ABCE1: variants seen among roughly 807,000 people sequenced by gnomAD.
ABCE1 encodes ATP-binding cassette sub-family E member 1.
ABCE1 carries 22 observed loss-of-function variants against 83.4 expected under a neutral mutation model. The observed-to-expected ratio is 0.26, with a 90% CI of 0.19 to 0.38. ABCE1 has a LOEUF of 0.38. Ranked by LOEUF, ABCE1 falls within the 10% of genes least tolerant of loss-of-function variation. The pLI is 1.00. For missense variants in ABCE1, 330 were observed against 721.9 expected (o/e 0.46, Z 6.22); for synonymous variants, 204 against 233.7 (o/e 0.87, Z 1.16).
At position 145,123,145 on chromosome 4, in the gene ABCE1, AT is replaced by A. The variant is rs760122824; in HGVS notation, c.1374+22del. On this transcript the variant is annotated intron_variant, in intron 14 of 17. Transcript: ENST00000296577. The stretch of plus-strand genomic sequence containing the variant: ...ATTGATCAAGAGGTACTTTAACATA[AT>A]TTTTTTTATTTTTTTATTATTTTGA... The A allele has an allele frequency of 1.1e-5, 17 of 1,574,816 alleles. No homozygotes were observed. Among genetic ancestry groups the A allele is most frequent in the Middle Eastern group, 2.0e-4 (1 of 4,960 alleles).
intron 4 of ABCE1, among the ~76,000 whole-genome samples, chr4:145,108,896 T>C (rs1749385195): frequency 6.6e-6 from 1 of 152,218 alleles, no homozygotes; most frequent in African/African-American, 2.4e-5. Flanking sequence ...GTAATGTTGT[T>C]TAAGGATGCA....
intron 11 of ABCE1, among the ~76,000 whole-genome samples, chr4:145,120,559 A>G (rs34394048): frequency 1.8e-3 from 280 of 152,176 alleles, no homozygotes; most frequent in African/African-American, 6.2e-3. Context: ...ATTCAGAGCA[A>G]TCTACCTTTG....
At chr4:145,098,912 T>C (rs1178224176) in intron 1 of ABCE1, among the ~76,000 whole-genome samples, 1 of 152,262 alleles carries the variant, frequency 6.6e-6, no homozygotes, top group Non-Finnish European at 1.5e-5. Flanking sequence ...TGAAGTCGAA[T>C]ACTCGCTGTC....
chr4:145,118,086 C>T (rs1311586465), intron 10 of ABCE1, among the ~76,000 whole-genome samples: 4 of 151,444 alleles, frequency 2.6e-5, no homozygotes, highest in African/African-American at 7.3e-5. Context: ...TCACTGCTTC[C>T]TTACTTGTGT....
At chr4:145,103,222 G>A (rs2126698520) in intron 1 of ABCE1, among the ~76,000 whole-genome samples, 1 of 152,186 alleles carries the variant, frequency 6.6e-6, no homozygotes, top group Non-Finnish European at 1.5e-5. Context: ...GACTTGAGAT[G>A]TCTACAAAGG....
intron 16 of ABCE1, 149 bp downstream of exon 16, chr4:145,123,749 A>C (rs1749803411): frequency 1.4e-6 from 1 of 712,264 alleles, no homozygotes. Context: ...TGGGGACTGG[A>C]TGGGACCATG....
chr4:145,120,269 T>C (rs907106360), intron 11 of ABCE1, 116 bp downstream of exon 11: 2 of 856,650 alleles, frequency 2.3e-6, no homozygotes, highest in African/African-American at 3.5e-5. Flanking sequence ...CAGAGTTTTA[T>C]TTAAACCCAC....
At position 145,110,454 on chromosome 4, in the gene ABCE1, T is replaced by C. The variant is rs1324277626; in HGVS notation, c.613+10T>C. On this transcript the variant is annotated intron_variant, in intron 7 of 17. Coordinates refer to ENST00000296577, the MANE Select transcript of ABCE1 (RefSeq NM_002940.3). ...GTATGTCAGCAGCTTGGTAAGTGTT[T>C]ATTTTTTGTTTGTGTGAATATATAT... is the stretch of plus-strand genomic sequence containing the variant. 1 of 1,610,178 alleles carries C rather than the reference T, an allele frequency of 6.2e-7. No individual in the cohort carries two copies. Among genetic ancestry groups the C allele is most frequent in the African/African-American group, 1.3e-5 (1 of 74,738 alleles).
chr4:145,117,214 T>C (rs771918518), intron 9 of ABCE1, 79 bp from the exon 10 acceptor site: 2 of 1,241,930 alleles, frequency 1.6e-6, no homozygotes, highest in Non-Finnish European at 2.2e-6. Context: ...TTTTATTAGA[T>C]GTATCTCTTT....
chr4:145,116,803 C>T (rs754541153), intron 9 of ABCE1, among the ~76,000 whole-genome samples: 5 of 151,790 alleles, frequency 3.3e-5, no homozygotes, highest in Non-Finnish European at 5.9e-5. Flanking sequence ...CATATTTTGC[C>T]ATGTAATCTT....
rs148998432 is a variant in ABCE1 at position 145,120,112 on chromosome 4, A to G, written c.1103A>G (p.Glu368Gly). Residue 368 changes from glutamate to glycine, a missense_variant, in exon 11 of 18, where the codon GAG becomes GGG. Glu to Gly is a moderately conservative substitution (Grantham distance 98, BLOSUM62 -2). Transcript: ENST00000296577. ...GEFELAIVAG[E>G]FTDSEIMVML... is the part of the protein sequence containing the mutation. ...TTTGAGCTAGCAATTGTAGCTGGAG[A>G]GTTTACAGATTCTGAAATTATGGTG... The G allele has an allele frequency of 1.9e-6, 3 of 1,609,740 alleles. No homozygotes were observed. The highest frequency in any genetic ancestry group is 2.5e-6 in the Non-Finnish European group (3 of 1,178,776).
intron 17 of ABCE1, among the ~76,000 whole-genome samples, chr4:145,125,790 C>T (rs1173889268): frequency 1.3e-5 from 2 of 152,134 alleles, no homozygotes; most frequent in Non-Finnish European, 2.9e-5. Context: ...TTAGGCCAAG[C>T]GCAGTGGTTT....
chr4:145,123,115 ACAT>A lies in ABCE1; in HGVS notation c.1362_1364del (p.Ile455del), dbSNP rs1204679490. ...GTAATGAAGCCTCTGCAAATTGAAAACATCATTGATCAAGAGGTACTTTAACAT... is the reference window on the plus strand; with the variant it reads ...GTAATGAAGCCTCTGCAAATTGAAAACATTGATCAAGAGGTACTTTAACAT... On this transcript the variant is annotated inframe_deletion, in exon 14 of 18. Transcript: ENST00000296577. The A allele has an allele frequency of 6.2e-7, 1 of 1,602,498 alleles. No homozygotes were observed. The highest frequency in any genetic ancestry group is 2.2e-5 in the East Asian group (1 of 44,754).
In ABCE1 at chr4:145,109,004, CAT is replaced by C. The variant is rs2126703300; in HGVS notation, c.288-125_288-124del. On this transcript the variant is annotated intron_variant, in intron 4 of 17. Coordinates refer to ENST00000296577, the MANE Select transcript of ABCE1 (RefSeq NM_002940.3). ...TTTCCTAATAGCCAGTAATATCTGG[CAT>C]ATGTTTCTTAGCTTATTAATGGATG... 6.2e-6 allele frequency: 4 copies of C among 647,302 alleles called. No homozygotes were observed. In the South Asian group the frequency reaches 8.7e-5, roughly 14 times the overall value. The allele number at this position is 647,302 out of a possible 1,614,324, so 40.1% of individuals were successfully genotyped here. A position where few individuals can be genotyped will look rare whatever the true frequency, so the allele number is the denominator to read the frequency against.
chr4:145,115,850 A>G (rs1223793575), intron 9 of ABCE1, among the ~76,000 whole-genome samples: 2 of 151,950 alleles, frequency 1.3e-5, no homozygotes, highest in Non-Finnish European at 2.9e-5. Context: ...GGTGTCTGTT[A>G]GTACACAGTG....
intron 3 of ABCE1, among the ~76,000 whole-genome samples, chr4:145,106,469 A>G (rs982000488): frequency 3.3e-5 from 5 of 152,034 alleles, no homozygotes; most frequent in African/African-American, 1.2e-4. Flanking sequence ...CTCTTACTAG[A>G]TACCTGCCTT....
Position 145,128,762 on chromosome 4 carries a change from T to TA in ABCE1, c.*1190dup, listed in dbSNP as rs1749960465. 6.6e-6 allele frequency: 1 copy of TA among 152,304 alleles called. No homozygotes were observed. The highest frequency in any genetic ancestry group is 2.1e-4 in the South Asian group (1 of 4,828). The allele number at this position is 152,304 out of a possible 1,614,324, so 9.4% of individuals were successfully genotyped here. On this transcript the variant is annotated 3_prime_UTR_variant, in exon 18 of 18. Coordinates refer to ENST00000296577, the MANE Select transcript of ABCE1 (RefSeq NM_002940.3). ...GGGCAAGCAAAATTGAGGAGGAAAT[T>TA]AGAAACTGTTTGACAAACTTTAAGA...
chr4:145,124,771 T>C (rs1749831410), intron 16 of ABCE1, among the ~76,000 whole-genome samples: 1 of 152,232 alleles, frequency 6.6e-6, no homozygotes, highest in African/African-American at 2.4e-5. Context: ...AATTTTTTTT[T>C]TGTTTTGCAC....
intron 17 of ABCE1, among the ~76,000 whole-genome samples, chr4:145,126,074 A>G (rs927952112): frequency 4.6e-5 from 7 of 152,052 alleles, no homozygotes; most frequent in South Asian, 2.1e-4. Flanking sequence ...CAAAAAAAGT[A>G]TATTTTGAAA....
Sources: allele counts gnomAD v4.1 joint callset (sites outside exome capture counted in the v4.1 genomes callset), GRCh38; gene constraint gnomAD v4.1.1; transcripts MANE v1.5; gene names NCBI Gene and HGNC (gene_info 2026-07-23, HGNC 2026-07-21).